Variants in ZBTB8OS observed in about 807,000 individuals in gnomAD.
The protein encoded by ZBTB8OS is tRNA-splicing ligase-activating factor archease.
In ZBTB8OS, 16 loss-of-function variants were observed where a neutral mutation model predicts 29.3. That is an observed-to-expected ratio of 0.55 (90% CI 0.37 to 0.83). The LOEUF (loss-of-function observed/expected upper bound fraction) is 0.83. ZBTB8OS is among the 40% of genes least tolerant of loss of function. The pLI, the probability that ZBTB8OS is intolerant of heterozygous loss-of-function variation, is 0.00. For synonymous variants in ZBTB8OS, 70 were observed against 64.6 expected, an observed-to-expected ratio of 1.08 and a Z score of -0.40; for missense variants, 160 against 196.9, an observed-to-expected ratio of 0.81 and a Z score of 1.12.
chr1:32,644,123 T>C (rs1646650001), intron 1 of ZBTB8OS, among the ~76,000 whole-genome samples: 1 of 152,014 alleles, frequency 6.6e-6, no homozygotes, highest in African/African-American at 2.4e-5. Flanking sequence ...AAAGGACAAA[T>C]GGTTACAGGA....
intron 6 of ZBTB8OS, among the ~76,000 whole-genome samples, chr1:32,625,251 A>AAC (rs1645035301): frequency 6.6e-6 from 1 of 151,140 alleles, no homozygotes; most frequent in African/African-American, 2.4e-5. Context: ...ATAATAATAA[A>AAC]AAAAACTGTT....
intron 1 of ZBTB8OS, among the ~76,000 whole-genome samples, chr1:32,646,356 A>C (rs1477257342): frequency 6.6e-6 from 1 of 151,498 alleles, no homozygotes; most frequent in Non-Finnish European, 1.5e-5. Flanking sequence ...CTTGGTATCT[A>C]ATTCCAGGTT....
At chr1:32,650,596 C>T (rs1448016409), upstream of ZBTB8OS, 3 of 1,613,316 alleles carry the variant, frequency 1.9e-6, no homozygotes, top group Non-Finnish European at 2.5e-6. Context: ...GTTACTACTT[C>T]CGCTCTAGAC....
chr1:32,625,166 T>C (rs1004284318), intron 6 of ZBTB8OS, among the ~76,000 whole-genome samples: 1 of 150,376 alleles, frequency 6.6e-6, no homozygotes, highest in South Asian at 2.1e-4. Flanking sequence ...GAGGTTGCAG[T>C]GAGTAGAGGT....
intron 1 of ZBTB8OS, among the ~76,000 whole-genome samples, chr1:32,647,266 C>CAAAA (rs71006348): frequency 0.011 from 1,447 of 134,408 alleles, 27 homozygotes; most frequent in African/African-American, 0.04. Context: ...TACTCTGTCT[C>CAAAA]AAAAAAAAAA....
chr1:32,647,041 CAAAAAA>C (rs71006347), intron 1 of ZBTB8OS, among the ~76,000 whole-genome samples: 13 of 39,384 alleles, frequency 3.3e-4, no homozygotes, highest in East Asian at 1.1e-3. Flanking sequence ...GATACTGTCT[CAAAAAA>C]AAAAAAAAAA....
chr1:32,645,109 G>A lies in ZBTB8OS; in HGVS notation c.97+5324C>T, dbSNP rs866107609. On this transcript the variant is annotated intron_variant, in intron 1 of 6. Coordinates refer to ENST00000468695, the MANE Select transcript of ZBTB8OS (RefSeq NM_178547.5). ...CAGGAGAATTGTTTGCACCTGGGAG[G>A]AGGAGGTTGCAGTGAGCCGAGATGG... Among the ~76,000 whole-genome samples, 24 of 151,830 alleles carry A rather than the reference G, an allele frequency of 1.6e-4. 1 individual carries two copies. The highest frequency in any genetic ancestry group is 6.2e-4 in the South Asian group (3 of 4,822).
intron 5 of ZBTB8OS, chr1:32,627,991 CTGTGAT>C (rs1348420074): frequency 6.2e-6 from 1 of 162,348 alleles, no homozygotes; most frequent in East Asian, 1.9e-4. Flanking sequence ...CTGCAGTGAG[CTGTGAT>C]TGCACCACCG....
At chr1:32,623,089 CAAT>C in intron 6 of ZBTB8OS, among the ~76,000 whole-genome samples, 1 of 152,298 alleles carries the variant, frequency 6.6e-6, no homozygotes, top group East Asian at 1.9e-4. Context: ...AAGGAATCTA[CAAT>C]AATTCTGTGC....
chr1:32,630,573 C>T (rs1210168158), intron 5 of ZBTB8OS, among the ~76,000 whole-genome samples: 5 of 151,112 alleles, frequency 3.3e-5, no homozygotes, highest in South Asian at 2.1e-4. Flanking sequence ...ATCAATCAAT[C>T]AAATTAAATT....
intron 1 of ZBTB8OS, among the ~76,000 whole-genome samples, chr1:32,641,379 T>C (rs1271874161): frequency 1.4e-5 from 2 of 144,974 alleles, no homozygotes; most frequent in African/African-American, 2.5e-5. Context: ...GTTCAAACAA[T>C]TCTCCTGCCT....
intron 5 of ZBTB8OS, chr1:32,627,770 C>A: frequency 1.8e-6 from 1 of 545,664 alleles, no homozygotes; most frequent in Non-Finnish European, 3.2e-6. Flanking sequence ...GGTGCGGTGG[C>A]TCATACCTAT....
At chr1:32,633,545 T>C (rs1030504190) in intron 4 of ZBTB8OS, 100 bp downstream of exon 4, 9 of 827,164 alleles carry the variant, frequency 1.1e-5, no homozygotes, top group Non-Finnish European at 1.3e-5. Context: ...TTTGTATGGA[T>C]TGGTTTTGTT....
intron 1 of ZBTB8OS, among the ~76,000 whole-genome samples, chr1:32,648,717 G>GT (rs1647039351): frequency 1.3e-5 from 2 of 152,208 alleles, no homozygotes; most frequent in South Asian, 4.1e-4. Flanking sequence ...GGAGTGCAGT[G>GT]GTGCAATCTC....
intron 1 of ZBTB8OS, among the ~76,000 whole-genome samples, chr1:32,636,924 T>TAAAACCC (rs1480052801): frequency 1.3e-4 from 20 of 152,058 alleles, no homozygotes; most frequent in African/African-American, 4.8e-4. Context: ...TGTCTTTCTC[T>TAAAACCC]AAAACCCAAG....
At chr1:32,644,743 CTG>C (rs1646712770) in intron 1 of ZBTB8OS, among the ~76,000 whole-genome samples, 1 of 135,580 alleles carries the variant, frequency 7.4e-6, no homozygotes, top group Non-Finnish European at 1.5e-5. Context: ...ATGTGTTTCA[CTG>C]TGTTGCCCAG....
chr1:32,624,293 A>G (rs1351162557), intron 6 of ZBTB8OS, among the ~76,000 whole-genome samples: 1 of 152,144 alleles, frequency 6.6e-6, no homozygotes, highest in Middle Eastern at 3.2e-3. Flanking sequence ...CACTATCTGA[A>G]ATTATATTAT....
At chr1:32,650,570 C>A (rs559493031), upstream of ZBTB8OS, 1 of 1,613,920 alleles carries the variant, frequency 6.2e-7, no homozygotes, top group African/African-American at 1.3e-5. Flanking sequence ...CTTCATCCAC[C>A]GGACTTCGGC....
At chr1:32,647,698 G>A (rs1646963627) in intron 1 of ZBTB8OS, among the ~76,000 whole-genome samples, 2 of 152,152 alleles carry the variant, frequency 1.3e-5, no homozygotes, top group Admixed American at 6.6e-5. Flanking sequence ...TAGGCTGTGT[G>A]CTCCTTATGA....
Sources: gnomAD v4.1 joint callset for allele counts (sites outside exome capture counted in the v4.1 genomes callset) on GRCh38, gnomAD v4.1.1 for gene constraint, MANE v1.5 for transcripts, NCBI Gene and HGNC (gene_info 2026-07-23, HGNC 2026-07-21) for gene names.